SNX33: variants seen among roughly 807,000 people sequenced by gnomAD.
SNX33 encodes the protein sorting nexin-33.
A neutral mutation model predicts 38.8 loss-of-function variants in SNX33; 19 were observed. The observed-to-expected ratio is 0.49, with a 90% confidence interval of 0.34 to 0.72. The LOEUF (loss-of-function observed/expected upper bound fraction) is 0.72. Ranked by LOEUF, SNX33 falls within the 30% of genes least tolerant of loss-of-function variation. The pLI, the probability that SNX33 is intolerant of heterozygous loss-of-function variation, is 0.01. For missense variants in SNX33, 641 were observed against 776.4 expected (o/e 0.83, Z 2.07); for synonymous variants, 246 against 289.7 (o/e 0.85, Z 1.53).
At chr15:75,652,948 G>A (rs531470627) in intron 1 of SNX33, among the ~76,000 whole-genome samples, 1 of 152,278 alleles carries the variant, frequency 6.6e-6, no homozygotes, top group South Asian at 2.1e-4. Flanking sequence ...ATTCTGTCCA[G>A]CCTGTCTGGA....
intron 1 of SNX33, among the ~76,000 whole-genome samples, chr15:75,655,554 C>T (rs1288964029): frequency 6.6e-6 from 1 of 152,228 alleles, no homozygotes; most frequent in Non-Finnish European, 1.5e-5. Context: ...ATTAGCCATG[C>T]ACTTATCAAC....
Position 75,657,220 on chromosome 15 carries a change from G to A in SNX33, c.*5G>A, listed in dbSNP as rs770992959. 18 of 1,613,298 alleles carry A rather than the reference G, an allele frequency of 1.1e-5. No individual in the cohort carries two copies. Among genetic ancestry groups the A allele is most frequent in the South Asian group, 3.3e-5 (3 of 91,082 alleles). On this transcript the variant is annotated 3_prime_UTR_variant, in exon 2 of 2. Transcript: ENST00000308527. This position sits in a 1 kb window ranked among gnomAD's most constrained non-coding sequence, Gnocchi z 5.5. ...CGCATGTATGACAACCTCTGACCGC[G>A]TGTGCCTGGGCCCCCTCCTTCCCCT... is the stretch of plus-strand genomic sequence containing the variant.
At chr15:75,652,799 G>C (rs1036396023) in intron 1 of SNX33, among the ~76,000 whole-genome samples, 6 of 152,182 alleles carry the variant, frequency 3.9e-5, no homozygotes, top group African/African-American at 9.6e-5. Context: ...AGTTAGGGAG[G>C]GGGTACTGAG....
Position 75,650,539 on chromosome 15 carries a change from C to T in SNX33, c.1437C>T (p.Leu479=). The change falls in exon 1 of 2, where the codon CTC becomes CTT. Residue 479 remains leucine (L), a synonymous_variant. Transcript: ENST00000308527. This position sits in a 1 kb window ranked among gnomAD's most constrained non-coding sequence, Gnocchi z 6.1. Reference sequence around the variant, plus strand: ...CACTGTCTCTCTACCAGGGCCTGCTCTCCAACTTCCCTGACATCATCCATC... The same window carrying T: ...CACTGTCTCTCTACCAGGGCCTGCTTTCCAACTTCCCTGACATCATCCATC... ...LDTLSLYQGL[L]SNFPDIIHLQ... 2 of 1,606,984 alleles carry T rather than the reference C, an allele frequency of 1.2e-6. No homozygotes were observed. Among genetic ancestry groups the T allele is most frequent in the Non-Finnish European group, 1.7e-6 (2 of 1,176,980 alleles).
At position 75,658,938 on chromosome 15, in the gene SNX33, G is replaced by T. The variant is rs994899384; in HGVS notation, c.*1723G>T. Reference sequence around the variant, plus strand: ...ACTGCCTTGTGATCTGGGGCTGAGGGTTGTATGAGGAAGGGACAGGACGCT... The same window carrying T: ...ACTGCCTTGTGATCTGGGGCTGAGGTTTGTATGAGGAAGGGACAGGACGCT... On this transcript the variant is annotated 3_prime_UTR_variant, in exon 2 of 2. Transcript: ENST00000308527. The surrounding 1 kb of genome is among the most constrained non-coding windows in gnomAD (Gnocchi z 4.1). 6.6e-6 allele frequency: 1 copy of T among 152,376 alleles called. No individual in the cohort carries two copies. Among genetic ancestry groups the T allele is most frequent in the African/African-American group, 2.4e-5 (1 of 41,448 alleles). The allele number at this position is 152,376 out of a possible 1,614,324, so 9.4% of individuals were successfully genotyped here.
chr15:75,651,436 C>G (rs1365990272), intron 1 of SNX33, among the ~76,000 whole-genome samples: 1 of 152,188 alleles, frequency 6.6e-6, no homozygotes, highest in Admixed American at 6.5e-5. Flanking sequence ...TTCTCATGAC[C>G]CCCTCTGTGG....
At chr15:75,651,771 C>T (rs1049975460) in intron 1 of SNX33, among the ~76,000 whole-genome samples, 1 of 152,170 alleles carries the variant, frequency 6.6e-6, no homozygotes, top group Non-Finnish European at 1.5e-5. Flanking sequence ...GCTCCCTGGC[C>T]CTTGGGCCCT....
chr15:75,654,790 G>T (rs999475802), intron 1 of SNX33, among the ~76,000 whole-genome samples: 8 of 152,180 alleles, frequency 5.3e-5, no homozygotes, highest in African/African-American at 1.9e-4. Flanking sequence ...GACCTCTGCA[G>T]CCTTTGCTCC....
In SNX33 at chr15:75,656,364, G is replaced by A. The variant is rs555068802; in HGVS notation, c.1472-598G>A. 1.1e-4 allele frequency among the ~76,000 whole-genome samples: 16 copies of A among 152,298 alleles called. No homozygotes were observed. In the South Asian group the frequency reaches 3.3e-3, roughly 32 times the overall value. On this transcript the variant is annotated intron_variant, in intron 1 of 1. Coordinates refer to ENST00000308527, the MANE Select transcript of SNX33 (RefSeq NM_153271.2). ...GAGCCAGGTGAGTTTGACGAACATG[G>A]GGGTCAGTGTGGAATGCGTGCAGGG...
rs531115915 is a variant in SNX33, at chr15:75,648,717, T to G, written c.-386T>G. 1 of 228,236 alleles carries G rather than the reference T, an allele frequency of 4.4e-6. No individual in the cohort carries two copies. The highest frequency in any genetic ancestry group is 1.6e-4 in the East Asian group (1 of 6,160). 14.1% of individuals were successfully genotyped at this position (228,236 alleles called of 1,614,324 possible). ...AGTCTCTTCTATTTTAGAACGTTGT[T>G]CCAGTGGAAAGTGTCGAATTTTTCC... is the stretch of plus-strand genomic sequence containing the variant. On this transcript the variant is annotated 5_prime_UTR_variant, in exon 1 of 2. Transcript: ENST00000308527. This position sits in a 1 kb window ranked among gnomAD's most constrained non-coding sequence, Gnocchi z 4.4.
Position 75,650,213 on chromosome 15 carries a change from T to A in SNX33, c.1111T>A (p.Leu371Met). Residue 371 changes from leucine (L) to methionine (M), a missense_variant, in exon 1 of 2, where the codon TTG becomes ATG. Physicochemically the swap from Leu to Met is conservative, Grantham distance 15. Around this residue, in one of 2 missense-constraint regions of SNX33, gnomAD observed 398 missense variants for 542.5 expected, o/e 0.73. Transcript: ENST00000308527. This position sits in a 1 kb window ranked among gnomAD's most constrained non-coding sequence, Gnocchi z 6.1. ...CCAGATCCCCACCGAGCACCAGGAC[T>A]TGCAGGACGTGGAAGATCGCGTGGA... ...TFQIPTEHQD[L>M]QDVEDRVDTF... The A allele has an allele frequency of 1.3e-6, 2 of 1,593,832 alleles. No homozygotes were observed. The highest frequency in any genetic ancestry group is 4.5e-5 in the East Asian group (2 of 44,690).
chr15:75,648,358 G>C lies in SNX33; in HGVS notation c.-745G>C, dbSNP rs1301205191. Reference sequence around the variant, plus strand: ...CTTCTGGGGCGGGGAGAGGGCGCCCGAGCCGGCGGGGGCTCCGGCTGCGCA... The same window carrying C: ...CTTCTGGGGCGGGGAGAGGGCGCCCCAGCCGGCGGGGGCTCCGGCTGCGCA... On this transcript the variant is annotated 5_prime_UTR_variant, in exon 1 of 2. Coordinates refer to ENST00000308527, the MANE Select transcript of SNX33 (RefSeq NM_153271.2). The surrounding 1 kb of genome is among the most constrained non-coding windows in gnomAD (Gnocchi z 4.4). The C allele has an allele frequency of 1.0e-6, 1 of 985,292 alleles. No homozygotes were observed. The highest frequency in any genetic ancestry group is 1.1e-4 in the East Asian group (1 of 8,798). The allele number at this position is 985,292 out of a possible 1,614,324, so 61.0% of individuals were successfully genotyped here.
rs1244153613 is a variant in SNX33, at chr15:75,648,743, C to T, written c.-360C>T. 5 of 210,836 alleles carry T rather than the reference C, an allele frequency of 2.4e-5. No individual in the cohort carries two copies. The South Asian group carries it at 7.1e-4, about 30-fold the overall frequency. The allele number at this position is 210,836 out of a possible 1,614,324, so 13.1% of individuals were successfully genotyped here. A position where few individuals can be genotyped will look rare whatever the true frequency, so the allele number is the denominator to read the frequency against. On this transcript the variant is annotated 5_prime_UTR_variant, in exon 1 of 2. Coordinates refer to ENST00000308527, the MANE Select transcript of SNX33 (RefSeq NM_153271.2). This position sits in a 1 kb window ranked among gnomAD's most constrained non-coding sequence, Gnocchi z 4.4. ...CCAGTGGAAAGTGTCGAATTTTTCC[C>T]CTCGCAGGGCAGATTTCTCCAGGTC...
At chr15:75,655,268 A>G (rs150746349) in intron 1 of SNX33, among the ~76,000 whole-genome samples, 83 of 152,326 alleles carry the variant, frequency 5.4e-4, no homozygotes, top group African/African-American at 1.9e-3. Flanking sequence ...GTACAGTAGT[A>G]GGATGGAGGT....
rs1893565873 is a variant in SNX33, at chr15:75,650,514, C to T, written c.1412C>T (p.Thr471Ile). The T allele has an allele frequency of 1.9e-6, 3 of 1,613,440 alleles. No individual in the cohort carries two copies. Among genetic ancestry groups the T allele is most frequent in the Non-Finnish European group, 2.5e-6 (3 of 1,179,780 alleles). Residue 471 changes from threonine (T) to isoleucine (I), a missense_variant, in exon 1 of 2, where the codon ACA becomes ATA. Transcript: ENST00000308527. This position sits in a 1 kb window ranked among gnomAD's most constrained non-coding sequence, Gnocchi z 6.1. ...PKNDLFQMLD[T>I]LSLYQGLLSN... is the part of the protein sequence containing the mutation. ...AATGACCTCTTCCAGATGCTGGACA[C>T]ACTGTCTCTCTACCAGGGCCTGCTC...
rs1468553741 is a variant in SNX33 at position 75,659,676 on chromosome 15, A to T, written c.*2461A>T. 1 of 152,468 alleles carries T rather than the reference A, an allele frequency of 6.6e-6. No homozygotes were observed. The highest frequency in any genetic ancestry group is 1.5e-5 in the Non-Finnish European group (1 of 68,278). 9.4% of individuals were successfully genotyped at this position (152,468 alleles called of 1,614,324 possible). Reference sequence around the variant, plus strand: ...ATGGTGCCTGGAAAGTCCCCTGCTCATGCTTCCTGCTCTGGGAACAGTGTT... The same window carrying T: ...ATGGTGCCTGGAAAGTCCCCTGCTCTTGCTTCCTGCTCTGGGAACAGTGTT... On this transcript the variant is annotated 3_prime_UTR_variant, in exon 2 of 2. Coordinates refer to ENST00000308527, the MANE Select transcript of SNX33 (RefSeq NM_153271.2).
intron 1 of SNX33, among the ~76,000 whole-genome samples, chr15:75,654,233 G>A (rs1292023018): frequency 6.6e-6 from 1 of 152,068 alleles, no homozygotes; most frequent in African/African-American, 2.4e-5. Flanking sequence ...CTATACTATA[G>A]GGCAGGTACT....
intron 1 of SNX33, among the ~76,000 whole-genome samples, chr15:75,653,482 C>T (rs946001026): frequency 1.1e-4 from 16 of 152,214 alleles, no homozygotes; most frequent in Non-Finnish European, 2.2e-4. Flanking sequence ...TGGTCACTTC[C>T]GTTTTACAGA....
At position 75,648,168 on chromosome 15, in the gene SNX33, T is replaced by A. The variant is rs1270297773; in HGVS notation, c.-935T>A. The A allele has an allele frequency of 1.0e-6, 1 of 985,474 alleles. No individual in the cohort carries two copies. Among genetic ancestry groups the A allele is most frequent in the African/African-American group, 1.7e-5 (1 of 57,250 alleles). 61.0% of individuals were successfully genotyped at this position (985,474 alleles called of 1,614,324 possible). ...TCCCGGGTGAGGAACCGGTTTCTGC[T>A]GGGGTTACCTTTGGACGGGGTTCCT... On this transcript the variant is annotated 5_prime_UTR_variant, in exon 1 of 2. Transcript: ENST00000308527. This position sits in a 1 kb window ranked among gnomAD's most constrained non-coding sequence, Gnocchi z 4.4.
Sources: allele counts gnomAD v4.1 joint callset (sites outside exome capture counted in the v4.1 genomes callset), GRCh38; gene constraint gnomAD v4.1.1; regional missense constraint gnomAD v4.1.1; non-coding constraint Gnocchi (gnomAD v3.1); transcripts MANE v1.5; gene names NCBI Gene and HGNC (gene_info 2026-07-23, HGNC 2026-07-21).